NINL: variants seen among roughly 807,000 people sequenced by gnomAD.
The protein encoded by NINL is ninein like.
NINL carries 153 observed loss-of-function variants against 160.3 expected under a neutral mutation model. That is an observed-to-expected ratio of 0.95 (90% CI 0.84 to 1.09). NINL has a LOEUF of 1.09. Among genes scored for constraint, NINL ranks in the 50% least tolerant of loss-of-function variants. The pLI is 0.00. For missense variants in NINL, 1,829 were observed against 1,764.0 expected, an observed-to-expected ratio of 1.04 and a Z score of -0.66; for synonymous variants, 800 against 734.8, an observed-to-expected ratio of 1.09 and a Z score of -1.43.
chr20:25,585,034 CG>C (rs142751587), intron 1 of NINL, among the ~76,000 whole-genome samples: 11,821 of 152,268 alleles, frequency 0.078, 488 homozygotes, highest in Non-Finnish European at 0.1. Context: ...GACCAGACGC[CG>C]GCGGCGTCAG....
In NINL at chr20:25,480,251, A is replaced by C. The variant is rs1432493961; in HGVS notation, c.1827T>G (p.Gly609=). The change falls in exon 15 of 24, where the codon GGT becomes GGG. Residue 609 remains glycine (G), a synonymous_variant. Coordinates refer to ENST00000278886, the MANE Select transcript of NINL (RefSeq NM_025176.6). ...TTTCTATACTCACTGGAGCAGAATT[A>C]CCCAGGAATGAAATGCCTGCAAACA... ...GLGPAGISFL[G]NSAPVSIETE... 3.7e-6 allele frequency: 6 copies of C among 1,613,842 alleles called. No homozygotes were observed. The highest frequency in any genetic ancestry group is 3.4e-6 in the Non-Finnish European group (4 of 1,179,920).
intron 13 of NINL, among the ~76,000 whole-genome samples, chr20:25,486,892 A>G (rs902449286): frequency 6.6e-6 from 1 of 152,246 alleles, no homozygotes; most frequent in Non-Finnish European, 1.5e-5. Context: ...GCAGCCCATG[A>G]ATTACCAGCT....
At chr20:25,524,421 G>T (rs957579678) in intron 2 of NINL, among the ~76,000 whole-genome samples, 1 of 152,204 alleles carries the variant, frequency 6.6e-6, no homozygotes, top group Non-Finnish European at 1.5e-5. Context: ...GATGGAGCTG[G>T]GACAGACGGA....
At chr20:25,474,124 G>C (rs1037848238) in intron 17 of NINL, among the ~76,000 whole-genome samples, 1 of 152,214 alleles carries the variant, frequency 6.6e-6, no homozygotes, top group African/African-American at 2.4e-5. Flanking sequence ...TGTCCTTAGA[G>C]GTAGAAAGTG....
At chr20:25,514,053 C>A (rs985337765) in intron 3 of NINL, among the ~76,000 whole-genome samples, 1 of 152,156 alleles carries the variant, frequency 6.6e-6, no homozygotes, top group Non-Finnish European at 1.5e-5. Context: ...GAAGTTGGGA[C>A]GGTTTAGAGG....
At chr20:25,506,930 T>C (rs1301974458) in intron 5 of NINL, among the ~76,000 whole-genome samples, 1 of 152,206 alleles carries the variant, frequency 6.6e-6, no homozygotes, top group Non-Finnish European at 1.5e-5. Flanking sequence ...GCAATGCCAC[T>C]ATCATACCTA....
intron 1 of NINL, among the ~76,000 whole-genome samples, chr20:25,565,028 C>T (rs1051098890): frequency 6.6e-6 from 1 of 152,002 alleles, no homozygotes; most frequent in Non-Finnish European, 1.5e-5. Flanking sequence ...ATCCTGAGGC[C>T]CAATCTTTCA....
chr20:25,570,556 C>A (rs761232670), intron 1 of NINL, among the ~76,000 whole-genome samples: 6 of 152,120 alleles, frequency 3.9e-5, no homozygotes, highest in Non-Finnish European at 8.8e-5. Context: ...GTTTGCAGAA[C>A]CCTGAGCCAA....
chr20:25,466,357 T>G (rs2062912706), intron 19 of NINL, among the ~76,000 whole-genome samples: 1 of 151,946 alleles, frequency 6.6e-6, no homozygotes, highest in African/African-American at 2.4e-5. Flanking sequence ...AACACACACA[T>G]ACACATGCAC....
At chr20:25,569,883 C>T (rs2065035299) in intron 1 of NINL, among the ~76,000 whole-genome samples, 1 of 152,154 alleles carries the variant, frequency 6.6e-6, no homozygotes. Flanking sequence ...ATCTGATTCT[C>T]TGTCAAAGCT....
rs780744290 is a variant in NINL, at chr20:25,476,507, C to T, written c.2784G>A (p.Ala928=). 23 of 1,602,974 alleles carry T rather than the reference C, an allele frequency of 1.4e-5. No homozygotes were observed. In the Admixed American group the frequency reaches 2.2e-4, roughly 15 times the overall value. The change falls in exon 17 of 24, where the codon GCG becomes GCA. Residue 928 remains alanine, a synonymous_variant. Transcript: ENST00000278886. The part of the protein sequence containing the change: ...IVPKEPEPFG[A]SAAGLEQPGA... ...CAGGCTGCTCCAGCCCCGCTGCGCT[C>T]GCGCCGAAAGGCTCTGGCTCCTTTG... is the stretch of plus-strand genomic sequence containing the variant.
At position 25,482,032 on chromosome 20, in the gene NINL, G is replaced by A; in HGVS notation, c.1746C>T (p.Asn582=). 1 of 1,598,658 alleles carries A rather than the reference G, an allele frequency of 6.3e-7. No homozygotes were observed. Among genetic ancestry groups the A allele is most frequent in the South Asian group, 1.1e-5 (1 of 91,046 alleles). ...CCGGGCTCCATGAGGGGCTGTGCCG[G>A]TTCTTGGGCAGCCGCGCCCACAGGC... ...LEGLWARLPK[N]RHSPSWSPDG... The change falls in exon 14 of 24, where the codon AAC becomes AAT. Residue 582 remains asparagine (N), a synonymous_variant. Transcript: ENST00000278886.
rs407925 is a variant in NINL, at chr20:25,491,429, C to T, written c.1407G>A (p.Arg469=). 3.6e-4 allele frequency: 579 copies of T among 1,613,818 alleles called. 1 individual carries two copies. In the African/African-American group the frequency reaches 5.8e-3, roughly 16 times the overall value. The change falls in exon 11 of 24, where the codon AGG becomes AGA. Residue 469 remains arginine, a synonymous_variant. Coordinates refer to ENST00000278886, the MANE Select transcript of NINL (RefSeq NM_025176.6). ...GCCCCACGTCCCACTCCAGCGCGGC[C>T]CTCTGCCTGTGGGCCTGCTCCCAGA... is the stretch of plus-strand genomic sequence containing the variant. The part of the protein sequence containing the change: ...ELFWEQAHRQ[R]AALEWDVGRL...
intron 7 of NINL, among the ~76,000 whole-genome samples, chr20:25,502,863 C>T (rs1325506555): frequency 6.6e-6 from 1 of 152,232 alleles, no homozygotes; most frequent in African/African-American, 2.4e-5. Flanking sequence ...TGGCACCATG[C>T]TTCCTGCACA....
chr20:25,516,042 G>A (rs1281529798), intron 3 of NINL, among the ~76,000 whole-genome samples: 3 of 152,096 alleles, frequency 2.0e-5, no homozygotes, highest in Non-Finnish European at 4.4e-5. Flanking sequence ...CCAAAGTGCT[G>A]GGATTACAGG....
At chr20:25,472,069 T>C (rs2063107135) in intron 17 of NINL, among the ~76,000 whole-genome samples, 1 of 151,886 alleles carries the variant, frequency 6.6e-6, no homozygotes, top group African/African-American at 2.4e-5. Context: ...CTATTGACAA[T>C]GATCAGACAG....
intron 1 of NINL, among the ~76,000 whole-genome samples, chr20:25,534,498 C>A (rs949699858): frequency 6.6e-6 from 1 of 152,202 alleles, no homozygotes; most frequent in Non-Finnish European, 1.5e-5. Context: ...AGTGTACTTA[C>A]ACAAACCAAG....
chr20:25,569,451 G>T (rs78865981), intron 1 of NINL, among the ~76,000 whole-genome samples: 13,358 of 152,174 alleles, frequency 0.088, 973 homozygotes, highest in African/African-American at 0.2. Context: ...CCAAGGGAGC[G>T]CCACAGTGCT....
At chr20:25,500,031 C>T (rs373902087) in intron 8 of NINL, among the ~76,000 whole-genome samples, 6 of 151,564 alleles carry the variant, frequency 4.0e-5, no homozygotes, top group Admixed American at 1.3e-4. Context: ...GCAGTACACC[C>T]ACTACACCAA....
Sources: allele counts gnomAD v4.1 joint callset (sites outside exome capture counted in the v4.1 genomes callset), GRCh38; gene constraint gnomAD v4.1.1; transcripts MANE v1.5; gene names NCBI Gene and HGNC (gene_info 2026-07-23, HGNC 2026-07-21).